Variants in ABTB2 observed in about 807,000 individuals in gnomAD.
ABTB2 encodes the protein ankyrin repeat and BTB/POZ domain-containing protein 2.
In ABTB2, 56 loss-of-function variants were observed where a neutral mutation model predicts 104.1. The observed-to-expected ratio is 0.54, with a 90% CI of 0.43 to 0.67. The LOEUF is 0.67. Ranked by LOEUF, ABTB2 falls within the 30% of genes least tolerant of loss-of-function variation. The pLI is 0.00. For synonymous variants in ABTB2, 606 were observed against 608.2 expected, an observed-to-expected ratio of 1.00 and a Z score of 0.05; for missense variants, 1,279 against 1,407.7, an observed-to-expected ratio of 0.91 and a Z score of 1.46.
At chr11:34,158,811 T>C (rs1852668058) in intron 14 of ABTB2, among the ~76,000 whole-genome samples, 1 of 152,238 alleles carries the variant, frequency 6.6e-6, no homozygotes, top group African/African-American at 2.4e-5. Flanking sequence ...GTTTGACCAA[T>C]GTGGCCGGGG....
At chr11:34,343,166 G>A (rs911453090) in intron 1 of ABTB2, among the ~76,000 whole-genome samples, 16 of 152,012 alleles carry the variant, frequency 1.1e-4, no homozygotes, top group African/African-American at 1.9e-4. Context: ...ATCTAGCCAT[G>A]CCCTTTCCAT....
chr11:34,234,774 T>G (rs2133059259), intron 1 of ABTB2, among the ~76,000 whole-genome samples: 1 of 152,314 alleles, frequency 6.6e-6, no homozygotes. Context: ...CCTCAGAGAC[T>G]GGGAATCCCA....
rs766786837 is a variant in ABTB2 at position 34,197,458 on chromosome 11, G to C, written c.1111C>G (p.Arg371Gly). The C allele has an allele frequency of 6.3e-7, 1 of 1,592,480 alleles. No homozygotes were observed. Residue 371 changes from arginine (R) to glycine (G), a missense_variant, in exon 3 of 17, where the codon CGC (arginine) becomes GGC (glycine). By Grantham distance (125) the Arg-to-Gly change is moderately radical. Coordinates refer to ENST00000435224, the MANE Select transcript of ABTB2 (RefSeq NM_145804.3). ...CPGASPARQA[R>G]QPPQPITWSP... ...CAAGTGATGGGCTGTGGCGGCTGGC[G>C]GGCCTGGCGGGCAGGGCTGGCACCC...
intron 1 of ABTB2, chr11:34,335,596 G>T: frequency 6.7e-7 from 1 of 1,502,962 alleles, no homozygotes; most frequent in Non-Finnish European, 9.2e-7. Context: ...TTAAGTTTCT[G>T]CACTGTTAAT....
At chr11:34,248,810 T>C (rs187985007) in intron 1 of ABTB2, among the ~76,000 whole-genome samples, 82 of 152,308 alleles carry the variant, frequency 5.4e-4, no homozygotes, top group Admixed American at 1.4e-3. Context: ...GTCTAGTAAA[T>C]ACAGGAAAAC....
chr11:34,199,032 A>G (rs951820400), intron 2 of ABTB2, among the ~76,000 whole-genome samples: 1 of 152,242 alleles, frequency 6.6e-6, no homozygotes, highest in Non-Finnish European at 1.5e-5. Flanking sequence ...GCTTCTGGGA[A>G]TCTGGTGTTC....
chr11:34,335,189 G>A (rs1389947830), intron 1 of ABTB2: 2 of 1,266,458 alleles, frequency 1.6e-6, no homozygotes, highest in African/African-American at 1.4e-5. Context: ...CAACTACACG[G>A]GTACCCCAGA....
At chr11:34,332,333 TCTC>T (rs1855141330) in intron 1 of ABTB2, among the ~76,000 whole-genome samples, 1 of 152,004 alleles carries the variant, frequency 6.6e-6, no homozygotes, top group African/African-American at 2.4e-5. Flanking sequence ...AGTTCTCCCT[TCTC>T]CTCCATGAAG....
chr11:34,214,970 G>A (rs901434265), intron 1 of ABTB2, among the ~76,000 whole-genome samples: 6 of 152,182 alleles, frequency 3.9e-5, no homozygotes, highest in African/African-American at 9.7e-5. Context: ...ACCAGTAGAT[G>A]AGACATTGTC....
At chr11:34,261,981 A>C (rs1304897778) in intron 1 of ABTB2, among the ~76,000 whole-genome samples, 1 of 152,186 alleles carries the variant, frequency 6.6e-6, no homozygotes, top group Non-Finnish European at 1.5e-5. Flanking sequence ...GTTTTCATAG[A>C]GGCCTTCCAG....
chr11:34,172,395 A>AATATAT (rs71037402), intron 4 of ABTB2, among the ~76,000 whole-genome samples: 878 of 28,902 alleles, frequency 0.03, 23 homozygotes, highest in Non-Finnish European at 0.043. Flanking sequence ...AAAAAAAAAA[A>AATATAT]ATATATATAT....
chr11:34,217,029 C>A (rs1003047512), intron 1 of ABTB2, among the ~76,000 whole-genome samples: 2 of 152,222 alleles, frequency 1.3e-5, no homozygotes, highest in Non-Finnish European at 2.9e-5. Flanking sequence ...TCTGCACGAG[C>A]CACCCCTTAA....
chr11:34,186,103 C>A (rs987516950), intron 3 of ABTB2, among the ~76,000 whole-genome samples: 1 of 152,252 alleles, frequency 6.6e-6, no homozygotes, highest in Non-Finnish European at 1.5e-5. Flanking sequence ...TTGGGGCCCA[C>A]GGCACCGCTC....
intron 3 of ABTB2, among the ~76,000 whole-genome samples, chr11:34,194,073 C>A (rs1374217916): frequency 6.6e-6 from 1 of 152,232 alleles, no homozygotes; most frequent in East Asian, 1.9e-4. Context: ...TTCCCTTTGT[C>A]GCCATGGATG....
chr11:34,187,183 CTT>C (rs1276897709), intron 3 of ABTB2, among the ~76,000 whole-genome samples: 2 of 152,174 alleles, frequency 1.3e-5, no homozygotes, highest in East Asian at 1.9e-4. Context: ...AACTGTAAAA[CTT>C]TGTCTAGATG....
chr11:34,291,663 TTTTTGTAG>T (rs1025700821), intron 1 of ABTB2, among the ~76,000 whole-genome samples: 1 of 152,038 alleles, frequency 6.6e-6, no homozygotes, highest in African/African-American at 2.4e-5. Context: ...GCCCTGCTAA[TTTTTGTAG>T]TTTTAGTAGA....
rs533402125 is a variant in ABTB2, at chr11:34,357,923, C to A, written c.-340G>T. 3.2e-4 allele frequency: 80 copies of A among 250,822 alleles called. No individual in the cohort carries two copies. In the South Asian group the frequency reaches 8.4e-3, roughly 26 times the overall value. 15.5% of individuals were successfully genotyped at this position (250,822 alleles called of 1,614,324 possible). ...GAATCCCGGGAGAACAGGGCGGCGG[C>A]GGCAGAAGGAGGAGGCGGCGGCGCA... On this transcript the variant is annotated 5_prime_UTR_variant, in exon 1 of 17. Coordinates refer to ENST00000435224, the MANE Select transcript of ABTB2 (RefSeq NM_145804.3).
intron 3 of ABTB2, among the ~76,000 whole-genome samples, chr11:34,184,497 G>A (rs764845381): frequency 3.3e-5 from 5 of 152,210 alleles, no homozygotes; most frequent in Non-Finnish European, 5.9e-5. Context: ...AATCAGGCCT[G>A]GTTCCAGGGC....
chr11:34,312,140 CAAA>C (rs67673538), intron 1 of ABTB2, among the ~76,000 whole-genome samples: 4 of 111,156 alleles, frequency 3.6e-5, no homozygotes, highest in Non-Finnish European at 3.9e-5. Context: ...GACTCCATCT[CAAA>C]AAAAAAAAAA....
Sources: allele counts gnomAD v4.1 joint callset (sites outside exome capture counted in the v4.1 genomes callset), GRCh38; gene constraint gnomAD v4.1.1; transcripts MANE v1.5; gene names NCBI Gene and HGNC (gene_info 2026-07-23, HGNC 2026-07-21).